Variants in TTC29 observed in about 807,000 individuals in gnomAD.
TTC29 encodes tetratricopeptide repeat protein 29.
A neutral mutation model predicts 58.1 loss-of-function variants in TTC29; 49 were observed. The ratio of observed to expected loss-of-function variants is 0.84; its 90% CI spans 0.67 to 1.07. The LOEUF is 1.07. Among genes scored for constraint, TTC29 ranks in the 50% least tolerant of loss-of-function variants. TTC29 has a pLI of 0.00. For missense variants in TTC29, 582 were observed against 555.6 expected, an observed-to-expected ratio of 1.05 and a Z score of -0.48; for synonymous variants, 209 against 196.8, an observed-to-expected ratio of 1.06 and a Z score of -0.52.
chr4:146,829,120 A>G (rs1727997357), intron 9 of TTC29, among the ~76,000 whole-genome samples: 1 of 152,238 alleles, frequency 6.6e-6, no homozygotes, highest in Admixed American at 6.5e-5. Flanking sequence ...AATTCATTCA[A>G]CCAGACCTTA....
chr4:146,930,334 A>T (rs1158552854), intron 4 of TTC29, among the ~76,000 whole-genome samples: 2 of 151,988 alleles, frequency 1.3e-5, no homozygotes, highest in Non-Finnish European at 2.9e-5. Context: ...AAAGAGAATT[A>T]AAAAATAAAA....
rs150540309 is a variant in TTC29, at chr4:146,809,798, G to A, written c.1102-6113C>T. On this transcript the variant is annotated intron_variant, in intron 10 of 12. Transcript: ENST00000325106. ...GGAGAGAATGTGGAGAAATAGAAAC[G>A]TTTTTATCCGTTGGTGGGCGTGTAA... is the stretch of plus-strand genomic sequence containing the variant. Among the ~76,000 whole-genome samples the A allele has an allele frequency of 1.5e-3, 227 of 149,808 alleles. 12 individuals are homozygous for A. The highest frequency in any genetic ancestry group is 3.2e-3 in the South Asian group (15 of 4,702).
intron 11 of TTC29, among the ~76,000 whole-genome samples, chr4:146,766,840 A>G (rs1181445603): frequency 6.6e-6 from 1 of 152,072 alleles, no homozygotes; most frequent in African/African-American, 2.4e-5. Context: ...GTGAATTGGG[A>G]AGAAGTAGTT....
rs918823114 is a variant in TTC29, at chr4:146,707,383, G to A, written c.1397+102C>T. 4.6e-6 allele frequency: 4 copies of A among 860,258 alleles called. No individual in the cohort carries two copies. In the East Asian group the frequency reaches 1.0e-4, roughly 22 times the overall value. The allele number at this position is 860,258 out of a possible 1,614,324, so 53.3% of individuals were successfully genotyped here. The stretch of plus-strand genomic sequence containing the variant: ...TGTTTCACTATTAAGGTTATCAAGT[G>A]CTGGATGAAGCTCCTCTTTTTGTGT... On this transcript the variant is annotated intron_variant, in intron 12 of 12. Coordinates refer to ENST00000325106, the MANE Select transcript of TTC29 (RefSeq NM_031956.4).
rs140096530 is a variant in TTC29 at position 146,718,789 on chromosome 4, C to T, written c.1331-11238G>A. 4.7e-3 allele frequency among the ~76,000 whole-genome samples: 714 copies of T among 152,230 alleles called. 6 individuals are homozygous for T. Among genetic ancestry groups the T allele is most frequent in the African/African-American group, 0.016 (651 of 41,554 alleles). ...TCTAAAAAGTTATTGCCTAGACCAA[C>T]GACACATAGTTTTCCCCTTATGTTT... On this transcript the variant is annotated intron_variant, in intron 11 of 12. Coordinates refer to ENST00000325106, the MANE Select transcript of TTC29 (RefSeq NM_031956.4).
chr4:146,757,153 G>A (rs1249522185), intron 11 of TTC29, among the ~76,000 whole-genome samples: 1 of 151,928 alleles, frequency 6.6e-6, no homozygotes, highest in Non-Finnish European at 1.5e-5. Context: ...CTTCTCATTT[G>A]AGTAGGATCT....
chr4:146,815,697 G>GA (rs1267002316), intron 10 of TTC29, among the ~76,000 whole-genome samples: 3 of 152,048 alleles, frequency 2.0e-5, no homozygotes. Flanking sequence ...AAAATTTAGA[G>GA]AAAAAAACAA....
intron 11 of TTC29, among the ~76,000 whole-genome samples, chr4:146,767,941 T>G (rs1204146319): frequency 6.6e-6 from 1 of 152,060 alleles, no homozygotes; most frequent in Admixed American, 6.6e-5. Context: ...ATTCAAGGGT[T>G]GGATAAGGTG....
chr4:146,791,564 A>C lies in TTC29; in HGVS notation c.1330+11893T>G, dbSNP rs77528071. Among the ~76,000 whole-genome samples the C allele has an allele frequency of 3.6e-3, 541 of 152,186 alleles. 4 individuals are homozygous for C. The highest frequency in any genetic ancestry group is 0.012 in the African/African-American group (497 of 41,538). On this transcript the variant is annotated intron_variant, in intron 11 of 12. Coordinates refer to ENST00000325106, the MANE Select transcript of TTC29 (RefSeq NM_031956.4). ...GGGCCTCCCTATTCCCTGAGACACA[A>C]CAATATTGAAAAAGGGCCAACTAAT...
chr4:146,835,108 TA>T (rs1370188065), intron 8 of TTC29, among the ~76,000 whole-genome samples: 7 of 152,186 alleles, frequency 4.6e-5, no homozygotes, highest in Non-Finnish European at 8.8e-5. Flanking sequence ...GTGAGAATGT[TA>T]AAAATGTATT....
chr4:146,839,816 C>T (rs1480319245), intron 8 of TTC29, among the ~76,000 whole-genome samples: 1 of 151,754 alleles, frequency 6.6e-6, no homozygotes, highest in African/African-American at 2.4e-5. Context: ...CCCTTTGGTG[C>T]ACCTCCTTTA....
chr4:146,728,153 G>C (rs754814903), intron 11 of TTC29, among the ~76,000 whole-genome samples: 1 of 151,906 alleles, frequency 6.6e-6, no homozygotes, highest in South Asian at 2.1e-4. Flanking sequence ...CGGGCGAGGT[G>C]GTGGGCACCT....
At chr4:146,899,288 G>A (rs769671632) in intron 6 of TTC29, among the ~76,000 whole-genome samples, 4 of 152,124 alleles carry the variant, frequency 2.6e-5, no homozygotes, top group South Asian at 2.1e-4. Context: ...GTCTGGCCCC[G>A]ATAGACCTCT....
Position 146,771,764 on chromosome 4 carries a change from G to A in TTC29, c.1330+31693C>T, listed in dbSNP as rs376589598. On this transcript the variant is annotated intron_variant, in intron 11 of 12. Transcript: ENST00000325106. ...TACGTAGAACAATTTATATTCCTTT[G>A]GGTATACACCGAGTAACAGGGTTTT... Among the ~76,000 whole-genome samples the A allele has an allele frequency of 9.9e-5, 15 of 152,180 alleles. No individual in the cohort carries two copies. In the East Asian group the frequency reaches 2.9e-3, roughly 29 times the overall value.
chr4:146,902,291 T>C (rs1269833397), intron 6 of TTC29, among the ~76,000 whole-genome samples: 36 of 152,072 alleles, frequency 2.4e-4, no homozygotes, highest in Admixed American at 2.4e-3. Flanking sequence ...ATCTTCCCAC[T>C]GCAGTTTCCC....
rs181112243 is a variant in TTC29 at position 146,751,623 on chromosome 4, G to T, written c.1331-44072C>A. 4.9e-4 allele frequency among the ~76,000 whole-genome samples: 75 copies of T among 152,140 alleles called. 1 individual carries two copies. The highest frequency in any genetic ancestry group is 1.8e-3 in the African/African-American group (73 of 41,512). On this transcript the variant is annotated intron_variant, in intron 11 of 12. Coordinates refer to ENST00000325106, the MANE Select transcript of TTC29 (RefSeq NM_031956.4). ...ACGGATCAAAGAGAAAATCTAAAGG[G>T]TAATTAAAAATACGCCAAAAACAGA...
intron 11 of TTC29, among the ~76,000 whole-genome samples, chr4:146,783,531 A>G (rs1748776027): frequency 6.6e-6 from 1 of 152,140 alleles, no homozygotes; most frequent in South Asian, 2.1e-4. Flanking sequence ...TTATTATAAA[A>G]TATAAATCTA....
chr4:146,788,453 A>C (rs1423926051), intron 11 of TTC29, among the ~76,000 whole-genome samples: 1 of 152,156 alleles, frequency 6.6e-6, no homozygotes, highest in Non-Finnish European at 1.5e-5. Flanking sequence ...ATTTTTCACA[A>C]ACATCAAATG....
chr4:146,862,698 C>T (rs1348330618), intron 8 of TTC29, among the ~76,000 whole-genome samples: 1 of 152,162 alleles, frequency 6.6e-6, no homozygotes, highest in Non-Finnish European at 1.5e-5. Flanking sequence ...AATGTAGGCT[C>T]TGAAGAAAGT....
Sources: allele counts gnomAD v4.1 joint callset (sites outside exome capture counted in the v4.1 genomes callset), GRCh38; gene constraint gnomAD v4.1.1; transcripts MANE v1.5; gene names NCBI Gene and HGNC (gene_info 2026-07-23, HGNC 2026-07-21).